Variants in FARP1 observed in about 807,000 individuals in gnomAD.
FARP1 encodes the protein FERM, ARHGEF and pleckstrin domain-containing protein 1.
In FARP1, 52 loss-of-function variants were observed where a neutral mutation model predicts 128.8. That is an observed-to-expected ratio of 0.40 (90% CI 0.32 to 0.51). The LOEUF (loss-of-function observed/expected upper bound fraction) is 0.51. Ranked by LOEUF, FARP1 falls within the 20% of genes least tolerant of loss-of-function variation. FARP1 has a pLI of 0.45. For synonymous variants in FARP1, 580 were observed against 551.8 expected (o/e 1.05, Z -0.72); for missense variants, 1,333 against 1,367.9 (o/e 0.97, Z 0.40).
chr13:98,153,974 C>T (rs1190747941), intron 1 of FARP1, among the ~76,000 whole-genome samples: 1 of 152,174 alleles, frequency 6.6e-6, no homozygotes, highest in Non-Finnish European at 1.5e-5. Context: ...CCCTGTTAAC[C>T]ACCTGTCTTT....
intron 3 of FARP1, among the ~76,000 whole-genome samples, chr13:98,361,484 C>T (rs1888870581): frequency 6.6e-6 from 1 of 152,156 alleles, no homozygotes. Context: ...TTGATTCGTC[C>T]TGGGGAGTTT....
At chr13:98,178,632 A>G (rs1161270306) in intron 1 of FARP1, among the ~76,000 whole-genome samples, 3 of 151,972 alleles carry the variant, frequency 2.0e-5, no homozygotes, top group Non-Finnish European at 2.9e-5. Context: ...TTCTTTTTCT[A>G]ATTTAGGTTC....
At chr13:98,210,179 G>T (rs1880591874) in intron 1 of FARP1, among the ~76,000 whole-genome samples, 1 of 152,078 alleles carries the variant, frequency 6.6e-6, no homozygotes, top group African/African-American at 2.4e-5. Context: ...GCAGCTCACA[G>T]TTCCATTCCT....
chr13:98,421,207 C>T (rs774647155), intron 16 of FARP1, among the ~76,000 whole-genome samples: 31 of 152,324 alleles, frequency 2.0e-4, no homozygotes, highest in Non-Finnish European at 3.5e-4. Context: ...TAGAGAGATA[C>T]GGATGTGGGA....
At chr13:98,158,839 C>G (rs1325541720) in intron 1 of FARP1, among the ~76,000 whole-genome samples, 2 of 152,136 alleles carry the variant, frequency 1.3e-5, no homozygotes, top group Non-Finnish European at 2.9e-5. Context: ...GTTGTGTCTT[C>G]CGTCTGCGTC....
chr13:98,349,964 C>T (rs1169653480), intron 3 of FARP1, among the ~76,000 whole-genome samples: 1 of 152,140 alleles, frequency 6.6e-6, no homozygotes, highest in Non-Finnish European at 1.5e-5. Context: ...TTAGCCGCAG[C>T]GTCTGCCCTC....
chr13:98,448,682 T>G lies in FARP1; in HGVS notation c.*365T>G, dbSNP rs191605150. ...GTGTTTTTCTTCCTAAAAAAAGTTC[T>G]TTCTTTTATTATTTTCACCTATTGG... On this transcript the variant is annotated 3_prime_UTR_variant, in exon 27 of 27. Coordinates refer to ENST00000319562, the MANE Select transcript of FARP1 (RefSeq NM_005766.4). The G allele has an allele frequency of 9.9e-5, 18 of 181,182 alleles. No homozygotes were observed. Among genetic ancestry groups the G allele is most frequent in the African/African-American group, 2.8e-4 (12 of 42,342 alleles). The allele number at this position is 181,182 out of a possible 1,614,324, so 11.2% of individuals were successfully genotyped here. A position where few individuals can be genotyped will look rare whatever the true frequency, so the allele number is the denominator to read the frequency against.
chr13:98,436,015 C>A, intron 19 of FARP1: 10 of 338,002 alleles, frequency 3.0e-5, no homozygotes, highest in East Asian at 7.9e-5. Context: ...TTTAAATGTA[C>A]ATAAATGAAA....
chr13:98,452,865 GTTTGTT>G lies in FARP1; in HGVS notation c.*4558_*4563del, dbSNP rs1391623893. ...CATAATCCCAAATATACATTTCAGG[GTTTGTT>G]TTTGTTTTTAAAGACACTTTCCTGG... On this transcript the variant is annotated 3_prime_UTR_variant, in exon 27 of 27. Transcript: ENST00000319562. 3.3e-6 allele frequency: 1 copy of G among 298,956 alleles called. No individual in the cohort carries two copies. The allele number at this position is 298,956 out of a possible 1,614,324, so 18.5% of individuals were successfully genotyped here.
rs1213105874 is a variant in FARP1, at chr13:98,390,031, T to C, written c.930T>C (p.Val310=). ...GCAAGTCCTTCTGGAAAATCTGTGTTGAACATCATGCCTTCTTTAGACTTT... is the reference window on the plus strand; with the variant it reads ...GCAAGTCCTTCTGGAAAATCTGTGTCGAACATCATGCCTTCTTTAGACTTT... ...DFCKSFWKIC[V]EHHAFFRLFE... The change falls in exon 10 of 27, where the codon GTT becomes GTC. Residue 310 remains valine (V), a synonymous_variant. Transcript: ENST00000319562. 1 of 1,614,110 alleles carries C rather than the reference T, an allele frequency of 6.2e-7. No homozygotes were observed. Among genetic ancestry groups the C allele is most frequent in the Non-Finnish European group, 8.5e-7 (1 of 1,180,038 alleles).
At chr13:98,142,946 A>G (rs1278900126), upstream of FARP1, among the ~76,000 whole-genome samples, 1 of 149,802 alleles carries the variant, frequency 6.7e-6, no homozygotes, top group East Asian at 2.0e-4. Context: ...GCCCGGGCGG[A>G]GCGGAGCGGG....
chr13:98,343,423 G>A (rs1203886959), intron 2 of FARP1, among the ~76,000 whole-genome samples: 10 of 152,142 alleles, frequency 6.6e-5, no homozygotes, highest in East Asian at 1.9e-4. Context: ...GGTTAATAAC[G>A]GGACACTGTG....
rs1890038787 is a variant in FARP1 at position 98,384,872 on chromosome 13, C to T, written c.611+28C>T. 3 of 1,407,680 alleles carry T rather than the reference C, an allele frequency of 2.1e-6. No individual in the cohort carries two copies. In the East Asian group the frequency reaches 6.8e-5, roughly 32 times the overall value. 87.2% of individuals were successfully genotyped at this position (1,407,680 alleles called of 1,614,324 possible). On this transcript the variant is annotated intron_variant, in intron 7 of 26. Coordinates refer to ENST00000319562, the MANE Select transcript of FARP1 (RefSeq NM_005766.4). Reference sequence around the variant, plus strand: ...AAGTCTCATTCTTGGCTTCATATTCCCTCTGAGCCGGTTCTCTCTGCCTCC... The same window carrying T: ...AAGTCTCATTCTTGGCTTCATATTCTCTCTGAGCCGGTTCTCTCTGCCTCC...
chr13:98,438,793 C>G lies in FARP1; in HGVS notation c.2275-11C>G. 1 of 1,611,588 alleles carries G rather than the reference C, an allele frequency of 6.2e-7. No homozygotes were observed. The highest frequency in any genetic ancestry group is 8.5e-7 in the Non-Finnish European group (1 of 1,179,266). On this transcript the variant is annotated splice_polypyrimidine_tract_variant and intron_variant, in intron 19 of 26. Coordinates refer to ENST00000319562, the MANE Select transcript of FARP1 (RefSeq NM_005766.4). ...GCTCGCAGCCAGCCCTCCGGTCTGT[C>G]TCCCCTGCAGGAGTTCATCCGTCTG... is the stretch of plus-strand genomic sequence containing the variant.
rs189271107 is a variant in FARP1 at position 98,174,988 on chromosome 13, T to C, written c.-24+31496T>C. 1.8e-3 allele frequency among the ~76,000 whole-genome samples: 281 copies of C among 152,150 alleles called. 2 individuals are homozygous for C. In the South Asian group the frequency reaches 0.027, roughly 15 times the overall value. On this transcript the variant is annotated intron_variant, in intron 1 of 26. Transcript: ENST00000319562. Reference sequence around the variant, plus strand: ...CCATGGTGGTGGGTGGGTCGATGGGTGTGGTTCAAGGTCAAAATCACGTGG... The same window carrying C: ...CCATGGTGGTGGGTGGGTCGATGGGCGTGGTTCAAGGTCAAAATCACGTGG...
chr13:98,448,485 G>T lies in FARP1; in HGVS notation c.*168G>T, dbSNP rs1411385407. 27 of 610,450 alleles carry T rather than the reference G, an allele frequency of 4.4e-5. No homozygotes were observed. In the Admixed American group the frequency reaches 6.7e-4, roughly 15 times the overall value. 37.8% of individuals were successfully genotyped at this position (610,450 alleles called of 1,614,324 possible). On this transcript the variant is annotated 3_prime_UTR_variant, in exon 27 of 27. Coordinates refer to ENST00000319562, the MANE Select transcript of FARP1 (RefSeq NM_005766.4). ...CGTTTTTTAACCCCGACCTCTCAGC[G>T]TCTGAATGAACAGCGCTCCCACCTC...
rs536340355 is a variant in FARP1 at position 98,261,350 on chromosome 13, A to G, written c.171+47937A>G. On this transcript the variant is annotated intron_variant, in intron 2 of 26. Coordinates refer to ENST00000319562, the MANE Select transcript of FARP1 (RefSeq NM_005766.4). ...TCAGGACCTGGCCCATCCTTGGGGGAAAGAGTGTTGCCTTCCAGAAGGACA... is the reference window on the plus strand; with the variant it reads ...TCAGGACCTGGCCCATCCTTGGGGGGAAGAGTGTTGCCTTCCAGAAGGACA... Among the ~76,000 whole-genome samples the G allele has an allele frequency of 3.9e-4, 60 of 152,226 alleles. 1 individual carries two copies. The highest frequency in any genetic ancestry group is 1.4e-3 in the African/African-American group (60 of 41,550).
At chr13:98,199,079 T>C (rs917656563) in intron 1 of FARP1, among the ~76,000 whole-genome samples, 5 of 150,052 alleles carry the variant, frequency 3.3e-5, no homozygotes, top group African/African-American at 1.2e-4. Context: ...TTTTCTTTTC[T>C]CTATTTTCGC....
intron 2 of FARP1, among the ~76,000 whole-genome samples, chr13:98,314,513 C>T (rs1886639772): frequency 6.6e-6 from 1 of 152,002 alleles, no homozygotes; most frequent in South Asian, 2.1e-4. Flanking sequence ...CTCTTGACCT[C>T]ATGATCTGCC....
Sources: allele counts gnomAD v4.1 joint callset (sites outside exome capture counted in the v4.1 genomes callset), GRCh38; gene constraint gnomAD v4.1.1; transcripts MANE v1.5; gene names NCBI Gene and HGNC (gene_info 2026-07-23, HGNC 2026-07-21).